Variants in TRAF2 observed in about 807,000 individuals in gnomAD.
TRAF2 encodes TNF receptor associated factor 2, also known as TNF receptor-associated factor 2.
TRAF2 carries 6 observed loss-of-function variants against 55.6 expected under a neutral mutation model. The ratio of observed to expected loss-of-function variants is 0.11; its 90% CI spans 0.06 to 0.21. The LOEUF (loss-of-function observed/expected upper bound fraction) is 0.21, where lower values mean the gene tolerates loss of function less well. TRAF2 is among the 10% of genes least tolerant of loss of function. The probability of loss-of-function intolerance (pLI) is 1.00; values close to 1 mark genes in which losing one functional copy is unlikely to be tolerated. For missense variants in TRAF2, 561 were observed against 684.5 expected, an observed-to-expected ratio of 0.82 and a Z score of 2.01; for synonymous variants, 329 against 276.3, an observed-to-expected ratio of 1.19 and a Z score of -1.89.
chr9:136,896,500 G>A (rs745756311), intron 1 of TRAF2, among the ~76,000 whole-genome samples: 1 of 152,226 alleles, frequency 6.6e-6, no homozygotes, highest in Non-Finnish European at 1.5e-5. Context: ...GTTCTCTTGG[G>A]CGTCTGTGCC....
intron 4 of TRAF2, among the ~76,000 whole-genome samples, chr9:136,907,582 A>G (rs1210414933): frequency 6.6e-6 from 1 of 152,054 alleles, no homozygotes; most frequent in East Asian, 1.9e-4. Flanking sequence ...CCCGCATGCT[A>G]TCTCCCGTGC....
intron 4 of TRAF2, among the ~76,000 whole-genome samples, chr9:136,907,287 A>T (rs890483334): frequency 1.3e-5 from 2 of 152,150 alleles, no homozygotes; most frequent in Non-Finnish European, 2.9e-5. Flanking sequence ...CCCTGCCTCC[A>T]CTGCCTGCCT....
chr9:136,922,430 G>C (rs1388644265), intron 9 of TRAF2: 2 of 152,460 alleles, frequency 1.3e-5, no homozygotes, highest in Admixed American at 6.5e-5. Context: ...ACTAAGCGTT[G>C]GGTGAAGGGT....
At chr9:136,882,072 G>A (rs1475611537), upstream of TRAF2, 1 of 984,070 alleles carries the variant, frequency 1.0e-6, no homozygotes, top group Non-Finnish European at 1.2e-6. Flanking sequence ...GGCACACAAG[G>A]GTCCCTTGTT....
At chr9:136,890,782 G>A (rs1358033983) in intron 1 of TRAF2, among the ~76,000 whole-genome samples, 1 of 152,254 alleles carries the variant, frequency 6.6e-6, no homozygotes, top group Non-Finnish European at 1.5e-5. Context: ...CGGGCTGCCT[G>A]CCGTGTCCTG....
At position 136,924,444 on chromosome 9, in the gene TRAF2, C is replaced by G. The variant is rs1273393192; in HGVS notation, c.1287+444C>G. ...GGGCATGGTGGTGTGCACCTGTATT[C>G]CCAGCTATTCGGGAGGCTAAGGCAG... On this transcript the variant is annotated intron_variant, in intron 10 of 10. Coordinates refer to ENST00000247668, the MANE Select transcript of TRAF2 (RefSeq NM_021138.4). Among the ~76,000 whole-genome samples, 5 of 152,038 alleles carry G rather than the reference C, an allele frequency of 3.3e-5. No homozygotes were observed. In the East Asian group the frequency reaches 9.8e-4, roughly 30 times the overall value.
At chr9:136,881,998 C>T, upstream of TRAF2, 4 of 985,582 alleles carry the variant, frequency 4.1e-6, no homozygotes, top group Non-Finnish European at 4.8e-6. Context: ...AAGAGGCAAG[C>T]TCTCGGTGTG....
Position 136,921,113 on chromosome 9 carries a change from G to A in TRAF2, c.1036G>A (p.Glu346Lys), listed in dbSNP as rs141280500. The A allele has an allele frequency of 6.2e-7, 1 of 1,613,974 alleles. No homozygotes were observed. Among genetic ancestry groups the A allele is most frequent in the Non-Finnish European group, 8.5e-7 (1 of 1,180,028 alleles). Reference protein sequence around the residue: ...ADLEQKVLEMEASTYDGVFIW... With the variant: ...ADLEQKVLEMKASTYDGVFIW... ...CTTGGAGCAGAAGGTCTTGGAGATGGAGGCATCCACCTACGATGGGGTCTT... is the reference window on the plus strand; with the variant it reads ...CTTGGAGCAGAAGGTCTTGGAGATGAAGGCATCCACCTACGATGGGGTCTT... The change falls in exon 9 of 11, where the codon GAG becomes AAG. Residue 346 changes from glutamate to lysine, a missense_variant. Transcript: ENST00000247668.
rs547987558 is a variant in TRAF2, at chr9:136,897,588, C to T, written c.-28-1125C>T. 1.7e-3 allele frequency among the ~76,000 whole-genome samples: 232 copies of T among 136,938 alleles called. 2 individuals are homozygous for T. Among genetic ancestry groups the T allele is most frequent in the African/African-American group, 6.0e-3 (216 of 35,902 alleles). The allele number at this position is 136,938 out of a possible 152,430, so 89.8% of individuals were successfully genotyped here. A position where few individuals can be genotyped will look rare whatever the true frequency, so the allele number is the denominator to read the frequency against. The stretch of plus-strand genomic sequence containing the variant: ...CCCCAGGTGTGCTACGTTCCGCTCT[C>T]GGGGCTGGAGGGGAACCCGTGGTAG... On this transcript the variant is annotated intron_variant, in intron 1 of 10. Coordinates refer to ENST00000247668, the MANE Select transcript of TRAF2 (RefSeq NM_021138.4).
In TRAF2 at chr9:136,926,408, A is replaced by C; in HGVS notation, c.*507A>C. On this transcript the variant is annotated 3_prime_UTR_variant, in exon 11 of 11. Transcript: ENST00000247668. ...CTCTGGCCCCTGGAGAGAAGGGAGC[A>C]TTCCTAGACCCCTGGGTGCTTGTCT... is the stretch of plus-strand genomic sequence containing the variant. The C allele has an allele frequency of 3.2e-6, 1 of 309,774 alleles. No homozygotes were observed. The highest frequency in any genetic ancestry group is 6.4e-6 in the Non-Finnish European group (1 of 155,768). 19.2% of individuals were successfully genotyped at this position (309,774 alleles called of 1,614,324 possible).
intron 1 of TRAF2, among the ~76,000 whole-genome samples, chr9:136,896,211 G>C (rs563602833): frequency 6.6e-6 from 1 of 152,216 alleles, no homozygotes; most frequent in Non-Finnish European, 1.5e-5. Context: ...CTCAGGGGCC[G>C]GGACTGGGGA....
intron 1 of TRAF2, among the ~76,000 whole-genome samples, chr9:136,889,122 G>A (rs1377996632): frequency 1.3e-5 from 2 of 152,026 alleles, no homozygotes; most frequent in Non-Finnish European, 2.9e-5. Context: ...CGGCCTCCCA[G>A]AGTGCTGGGA....
At chr9:136,886,571 T>TCGGGCG (rs1181165705) in intron 1 of TRAF2, 30 bp downstream of exon 1, 75 of 945,896 alleles carry the variant, frequency 7.9e-5, no homozygotes, top group South Asian at 5.2e-4. Context: ...GGGTGCGGGG[T>TCGGGCG]CGGGCGCGGG....
At chr9:136,917,277 C>T (rs926965221) in intron 7 of TRAF2, among the ~76,000 whole-genome samples, 1 of 152,226 alleles carries the variant, frequency 6.6e-6, no homozygotes, top group Non-Finnish European at 1.5e-5. Context: ...TGTGATCTTT[C>T]CCTCCCCTCA....
Position 136,921,192 on chromosome 9 carries a change from G to T in TRAF2, c.1115G>T (p.Arg372Leu). ...ARKRQEAVAGRIPAIFSPAFY... is the reference protein window; with the variant it reads ...ARKRQEAVAGLIPAIFSPAFY... ...AAGCGCCAGGAAGCTGTGGCTGGCC[G>T]CATACCCGCCATCTTCTCCCCAGGT... Residue 372 changes from arginine to leucine, a missense_variant, in exon 9 of 11, where the codon CGC becomes CTC. Physicochemically the swap from Arg to Leu is moderately radical, Grantham distance 102. Around this residue, in one of 2 missense-constraint regions of TRAF2, gnomAD observed 135 missense variants for 207.7 expected, o/e 0.65. Coordinates refer to ENST00000247668, the MANE Select transcript of TRAF2 (RefSeq NM_021138.4). 1.2e-6 allele frequency: 2 copies of T among 1,613,734 alleles called. No individual in the cohort carries two copies. The highest frequency in any genetic ancestry group is 1.7e-6 in the Non-Finnish European group (2 of 1,180,018).
intron 7 of TRAF2, among the ~76,000 whole-genome samples, chr9:136,919,042 ATATTTATTTATTTATT>A (rs57654341): frequency 1.4e-5 from 2 of 138,326 alleles, no homozygotes; most frequent in Non-Finnish European, 3.1e-5. Flanking sequence ...GCCTATTTTA[ATATTTATTTATTTATT>A]TATTTATTTA....
At chr9:136,918,784 G>C (rs1850307122) in intron 7 of TRAF2, among the ~76,000 whole-genome samples, 1 of 151,990 alleles carries the variant, frequency 6.6e-6, no homozygotes, top group Non-Finnish European at 1.5e-5. Flanking sequence ...CACCCAGGCT[G>C]GAGTGCAGTG....
intron 9 of TRAF2, among the ~76,000 whole-genome samples, chr9:136,922,988 G>A (rs576134566): frequency 6.6e-6 from 1 of 152,156 alleles, no homozygotes; most frequent in Non-Finnish European, 1.5e-5. Flanking sequence ...ACGGAAGGGT[G>A]GTCCTGGTGC....
chr9:136,892,090 A>T (rs1008080835), intron 1 of TRAF2, among the ~76,000 whole-genome samples: 1 of 152,084 alleles, frequency 6.6e-6, no homozygotes, highest in Non-Finnish European at 1.5e-5. Context: ...CACTGGCATG[A>T]CTGCACTCAT....
Sources: allele counts gnomAD v4.1 joint callset (sites outside exome capture counted in the v4.1 genomes callset), GRCh38; gene constraint gnomAD v4.1.1; regional missense constraint gnomAD v4.1.1; transcripts MANE v1.5; gene names NCBI Gene and HGNC (gene_info 2026-07-23, HGNC 2026-07-21).